UTS2B: variants seen among roughly 807,000 people sequenced by gnomAD.
UTS2B encodes the protein urotensin-2B.
Under a neutral mutation model 19.2 loss-of-function variants are expected in UTS2B, and 21 were observed. That is an observed-to-expected ratio of 1.09 (90% CI 0.78 to 1.58). UTS2B has a LOEUF of 1.58. Ranked by LOEUF, UTS2B falls within the 40% of genes most tolerant of loss-of-function variation. UTS2B has a pLI of 0.00. For missense variants in UTS2B, 138 were observed against 130.3 expected, an observed-to-expected ratio of 1.06 and a Z score of -0.29; for synonymous variants, 57 against 50.2, an observed-to-expected ratio of 1.14 and a Z score of -0.58.
chr3:191,313,192 A>G lies in UTS2B; in HGVS notation c.-182+2844T>C, dbSNP rs557366804. Among the ~76,000 whole-genome samples the G allele has an allele frequency of 6.6e-4, 100 of 152,076 alleles. 1 individual carries two copies. Among genetic ancestry groups the G allele is most frequent in the African/African-American group, 2.3e-3 (94 of 41,484 alleles). ...GTTTTTTTAGTAGAGATGAGGTTTC[A>G]CCATATTGGCCAGTCTGGTCTCCAA... On this transcript the variant is annotated intron_variant, in intron 3 of 8. Transcript: ENST00000340524.
chr3:191,278,829 C>CA (rs990650722), intron 5 of UTS2B, among the ~76,000 whole-genome samples: 18 of 151,614 alleles, frequency 1.2e-4, no homozygotes, highest in Non-Finnish European at 1.6e-4. Context: ...CATGAAGATT[C>CA]AAAAAAAATC....
chr3:191,288,708 A>G (rs1001929556), intron 4 of UTS2B, among the ~76,000 whole-genome samples: 14 of 152,092 alleles, frequency 9.2e-5, no homozygotes, highest in African/African-American at 3.4e-4. Flanking sequence ...ACAAAATTTT[A>G]TGGGAATTTT....
intron 2 of UTS2B, among the ~76,000 whole-genome samples, chr3:191,322,725 G>A (rs901491478): frequency 6.6e-6 from 1 of 152,200 alleles, no homozygotes; most frequent in African/African-American, 2.4e-5. Flanking sequence ...AAAATTTTGG[G>A]AGTAATATCT....
chr3:191,342,345 C>G, the UTS2B span, among the ~76,000 whole-genome samples: 1 of 151,848 alleles, frequency 6.6e-6, no homozygotes, highest in Non-Finnish European at 1.5e-5. Flanking sequence ...TTGAATATTG[C>G]TCTCAATCGT....
At chr3:191,322,712 G>T (rs1040027205) in intron 2 of UTS2B, among the ~76,000 whole-genome samples, 2 of 152,178 alleles carry the variant, frequency 1.3e-5, no homozygotes, top group African/African-American at 4.8e-5. Context: ...GCAGTAGAGA[G>T]AGAAAATTTT....
At chr3:191,327,739 C>T (rs973929147) in intron 2 of UTS2B, among the ~76,000 whole-genome samples, 4 of 152,142 alleles carry the variant, frequency 2.6e-5, no homozygotes, top group Admixed American at 6.5e-5. Context: ...TCCAAAGGCA[C>T]GGCTTGGTAG....
the UTS2B span, among the ~76,000 whole-genome samples, chr3:191,339,830 T>G: frequency 1.3e-5 from 2 of 152,196 alleles, no homozygotes; most frequent in Non-Finnish European, 2.9e-5. Flanking sequence ...AAGCTCACCT[T>G]TTTAAAAGGC....
chr3:191,278,211 G>T, intron 5 of UTS2B, 41 bp from the exon 6 acceptor site: 1 of 1,115,240 alleles, frequency 9.0e-7, no homozygotes, highest in Non-Finnish European at 1.3e-6. Context: ...TTGAGTCACC[G>T]AAAATATTTC....
chr3:191,316,724 T>C (rs1717464319), intron 2 of UTS2B, among the ~76,000 whole-genome samples: 2 of 149,370 alleles, frequency 1.3e-5, no homozygotes, highest in East Asian at 1.9e-4. Flanking sequence ...AGTCCCCACT[T>C]GATTAGCTAG....
chr3:191,317,013 C>CA (rs1392170363), intron 2 of UTS2B, among the ~76,000 whole-genome samples: 3 of 152,266 alleles, frequency 2.0e-5, no homozygotes, highest in Non-Finnish European at 2.9e-5. Flanking sequence ...TGCGTGCCTG[C>CA]ACTCCTCATC....
intron 4 of UTS2B, among the ~76,000 whole-genome samples, chr3:191,302,960 A>C (rs1176772433): frequency 1.3e-5 from 2 of 152,236 alleles, no homozygotes; most frequent in Non-Finnish European, 2.9e-5. Context: ...AATTGTCATG[A>C]GGCCCCTCCT....
At chr3:191,288,003 C>T (rs1459041595) in intron 4 of UTS2B, among the ~76,000 whole-genome samples, 2 of 152,012 alleles carry the variant, frequency 1.3e-5, no homozygotes, top group Non-Finnish European at 2.9e-5. Context: ...TGACAATGAC[C>T]TACCCAAAAA....
At chr3:191,279,329 T>C (rs759065811) in intron 5 of UTS2B, among the ~76,000 whole-genome samples, 8 of 152,050 alleles carry the variant, frequency 5.3e-5, no homozygotes, top group Non-Finnish European at 1.0e-4. Flanking sequence ...GCATCAATTA[T>C]ACAAAGACTC....
chr3:191,335,445 A>G (rs981750734), upstream of UTS2B, among the ~76,000 whole-genome samples: 2 of 152,290 alleles, frequency 1.3e-5, no homozygotes, highest in Non-Finnish European at 2.9e-5. Context: ...CCTACAAAGG[A>G]TAATTAGTTT....
intron 1 of UTS2B, chr3:191,329,377 C>G (rs1158849044): frequency 2.7e-6 from 1 of 371,874 alleles, no homozygotes; most frequent in Non-Finnish European, 4.8e-6. Context: ...TCCCTCCGTA[C>G]TGGACGGCCC....
At position 191,299,542 on chromosome 3, in the gene UTS2B, T is replaced by G. The variant is rs139669130; in HGVS notation, c.-125+4950A>C. On this transcript the variant is annotated intron_variant, in intron 4 of 8. Transcript: ENST00000340524. ...CCTGTGGGTGCACAGAGTGCAAGAG[T>G]TGGGGCTTGAGAGCCTCCACCTAGA... 2.4e-3 allele frequency among the ~76,000 whole-genome samples: 361 copies of G among 152,306 alleles called. 1 individual carries two copies. Among genetic ancestry groups the G allele is most frequent in the African/African-American group, 8.6e-3 (356 of 41,570 alleles).
At position 191,306,780 on chromosome 3, in the gene UTS2B, C is replaced by G. The variant is rs139827089; in HGVS notation, c.-181-2232G>C. Among the ~76,000 whole-genome samples the G allele has an allele frequency of 2.9e-3, 441 of 152,264 alleles. 2 individuals are homozygous for G. Among genetic ancestry groups the G allele is most frequent in the African/African-American group, 9.1e-3 (378 of 41,558 alleles). ...TCCTGAATAGCTGGGGTTTCAGACG[C>G]ACACCACCATACCAGCTAATTTTTG... On this transcript the variant is annotated intron_variant, in intron 3 of 8. Coordinates refer to ENST00000340524, the MANE Select transcript of UTS2B (RefSeq NM_198152.5).
At chr3:191,300,301 G>T (rs1042638022) in intron 4 of UTS2B, among the ~76,000 whole-genome samples, 3 of 151,930 alleles carry the variant, frequency 2.0e-5, no homozygotes, top group Non-Finnish European at 2.9e-5. Context: ...GCCCACCTCA[G>T]CCTCCCAAAG....
chr3:191,328,766 C>T (rs762206673), intron 1 of UTS2B, 57 bp from the exon 2 acceptor site: 3 of 152,244 alleles, frequency 2.0e-5, no homozygotes, highest in Non-Finnish European at 4.4e-5. Context: ...AGCGCTATAA[C>T]AGAGATAAGT....
Sources: allele counts gnomAD v4.1 joint callset (sites outside exome capture counted in the v4.1 genomes callset), GRCh38; gene constraint gnomAD v4.1.1; transcripts MANE v1.5; gene names NCBI Gene and HGNC (gene_info 2026-07-23, HGNC 2026-07-21).